RB1: variants seen among roughly 807,000 people sequenced by gnomAD.
RB1 encodes RB transcriptional corepressor 1, also known as retinoblastoma-associated protein.
Under a neutral mutation model 135.4 loss-of-function variants are expected in RB1, and 18 were observed. The observed-to-expected ratio is 0.13, with a 90% CI of 0.09 to 0.20. The LOEUF (loss-of-function observed/expected upper bound fraction) is 0.20, where lower values mean the gene tolerates loss of function less well. RB1 is among the 10% of genes least tolerant of loss of function. The probability of loss-of-function intolerance (pLI) is 1.00; values close to 1 mark genes in which losing one functional copy is unlikely to be tolerated. For missense variants in RB1, 868 were observed against 1,110.0 expected, an observed-to-expected ratio of 0.78 and a Z score of 3.10; for synonymous variants, 365 against 373.2, an observed-to-expected ratio of 0.98 and a Z score of 0.25.
chr13:48,438,239 A>G (rs570131578), intron 17 of RB1, among the ~76,000 whole-genome samples: 1 of 152,264 alleles, frequency 6.6e-6, no homozygotes, highest in East Asian at 1.9e-4. Flanking sequence ...AGCACTTTAC[A>G]TTTATTATCT....
At chr13:48,326,862 T>TA (rs937426784) in intron 2 of RB1, among the ~76,000 whole-genome samples, 1 of 150,568 alleles carries the variant, frequency 6.6e-6, no homozygotes, top group African/African-American at 2.4e-5. Flanking sequence ...ACTGTCACAT[T>TA]AAAAAAAAAG....
chr13:48,322,915 G>C (rs1952253476), intron 2 of RB1, among the ~76,000 whole-genome samples: 1 of 150,106 alleles, frequency 6.7e-6, no homozygotes, highest in Non-Finnish European at 1.5e-5. Flanking sequence ...GATTTGGTTT[G>C]CTAATTTTTT....
intron 23 of RB1, among the ~76,000 whole-genome samples, chr13:48,466,694 A>G (rs1399014804): frequency 1.8e-5 from 2 of 109,986 alleles, no homozygotes; most frequent in East Asian, 6.2e-4. Context: ...TAGAATAACC[A>G]ATACAGAGAA....
At chr13:48,410,116 C>T (rs1243865046) in intron 17 of RB1, among the ~76,000 whole-genome samples, 4 of 152,108 alleles carry the variant, frequency 2.6e-5, no homozygotes, top group African/African-American at 4.8e-5. Context: ...ATGTTTTGAA[C>T]TTCCCAATAT....
chr13:48,307,861 C>CA (rs1286994777), intron 2 of RB1, among the ~76,000 whole-genome samples: 240 of 135,258 alleles, frequency 1.8e-3, no homozygotes, highest in South Asian at 4.9e-3. Flanking sequence ...GAGTCTGTCT[C>CA]AAAAAAAAAA....
chr13:48,317,661 G>T, intron 2 of RB1: 2 of 520,514 alleles, frequency 3.8e-6, no homozygotes, highest in Non-Finnish European at 3.0e-6. Context: ...CGGAGACACT[G>T]CCACTGGTGC....
At chr13:48,449,523 G>C (rs1291626510) in intron 17 of RB1, among the ~76,000 whole-genome samples, 1 of 152,142 alleles carries the variant, frequency 6.6e-6, no homozygotes, top group East Asian at 1.9e-4. Flanking sequence ...GTTACCATTT[G>C]TGTATCTGCC....
rs775078916 is a variant in RB1, at chr13:48,401,573, ACT to A, written c.1695+20133_1695+20134del. ...CAACTATTTATAGCATGTTTTAAAAACTCTGAACTGTCACGACCCAGTCTGTT... is the reference window on the plus strand; with the variant it reads ...CAACTATTTATAGCATGTTTTAAAAACTGAACTGTCACGACCCAGTCTGTT... On this transcript the variant is annotated intron_variant, in intron 17 of 26. Coordinates refer to ENST00000267163, the MANE Select transcript of RB1 (RefSeq NM_000321.3). 5.3e-5 allele frequency among the ~76,000 whole-genome samples: 8 copies of A among 151,960 alleles called. No individual in the cohort carries two copies. In the East Asian group the frequency reaches 1.2e-3, roughly 22 times the overall value.
intron 17 of RB1, among the ~76,000 whole-genome samples, chr13:48,452,758 T>C (rs796859815): frequency 5.4e-4 from 83 of 152,294 alleles, no homozygotes; most frequent in African/African-American, 1.8e-3. Flanking sequence ...ACTTATTTTC[T>C]AATATAAGCG....
intron 23 of RB1, among the ~76,000 whole-genome samples, chr13:48,466,825 G>C (rs1163014779): frequency 1.9e-5 from 1 of 51,960 alleles, no homozygotes; most frequent in Non-Finnish European, 4.7e-5. Flanking sequence ...AAGATGAAAT[G>C]AATGAAATGA....
chr13:48,419,026 C>G (rs198625), intron 17 of RB1, among the ~76,000 whole-genome samples: 126,594 of 151,928 alleles, frequency 0.83, 56,286 homozygotes, highest in East Asian at 1. Context: ...CTCAGCTCTG[C>G]ACCAAGCAGA....
chr13:48,384,530 A>G (rs1948559109), intron 17 of RB1, among the ~76,000 whole-genome samples: 1 of 152,140 alleles, frequency 6.6e-6, no homozygotes, highest in African/African-American at 2.4e-5. Flanking sequence ...AATTGAACAC[A>G]TCCGTGTAAA....
In RB1 at chr13:48,310,951, A is replaced by G. The variant is rs887471267; in HGVS notation, c.264+3545A>G. On this transcript the variant is annotated intron_variant, in intron 2 of 26. Transcript: ENST00000267163. The stretch of plus-strand genomic sequence containing the variant: ...TTATAGCATATGAATAGGACTTTCC[A>G]TTAAGAAATTGGCTAAGGTGATGTT... 2.0e-5 allele frequency among the ~76,000 whole-genome samples: 3 copies of G among 152,194 alleles called. 1 individual carries two copies. The highest frequency in any genetic ancestry group is 7.2e-5 in the African/African-American group (3 of 41,444).
chr13:48,451,008 C>T (rs940000075), intron 17 of RB1, among the ~76,000 whole-genome samples: 11 of 151,970 alleles, frequency 7.2e-5, no homozygotes, highest in Non-Finnish European at 1.5e-4. Flanking sequence ...GGAATGCTAG[C>T]GATTATTGCA....
intron 20 of RB1, among the ~76,000 whole-genome samples, chr13:48,462,300 T>G (rs1793685108): frequency 6.6e-6 from 1 of 151,842 alleles, no homozygotes; most frequent in Non-Finnish European, 1.5e-5. Flanking sequence ...ATTTTTGTAT[T>G]TTTTTGTACA....
chr13:48,461,672 T>A (rs1949406320), intron 20 of RB1, among the ~76,000 whole-genome samples: 1 of 152,014 alleles, frequency 6.6e-6, no homozygotes, highest in Non-Finnish European at 1.5e-5. Flanking sequence ...TTTTTTTTAA[T>A]AATAGCCATC....
chr13:48,383,906 G>A (rs1461668636), intron 17 of RB1, among the ~76,000 whole-genome samples: 1 of 151,990 alleles, frequency 6.6e-6, no homozygotes, highest in African/African-American at 2.4e-5. Flanking sequence ...TTCTTTTAGA[G>A]AATTAATTTT....
chr13:48,340,647 T>A (rs371818827), intron 2 of RB1: 3 of 176,524 alleles, frequency 1.7e-5, no homozygotes, highest in African/African-American at 7.1e-5. Context: ...ATTGCCTGAG[T>A]GCAAAGAAAC....
intron 10 of RB1, among the ~76,000 whole-genome samples, chr13:48,367,870 A>G (rs1310183076): frequency 6.6e-6 from 1 of 152,178 alleles, no homozygotes; most frequent in African/African-American, 2.4e-5. Context: ...CCAAAAGATA[A>G]TGGCTAAAGT....
Sources: gnomAD v4.1 joint callset for allele counts (sites outside exome capture counted in the v4.1 genomes callset) on GRCh38, gnomAD v4.1.1 for gene constraint, MANE v1.5 for transcripts, NCBI Gene and HGNC (gene_info 2026-07-23, HGNC 2026-07-21) for gene names.